NDUFA10: variants seen among roughly 807,000 people sequenced by gnomAD.
NDUFA10 encodes NADH:ubiquinone oxidoreductase subunit A10.
A neutral mutation model predicts 47.8 loss-of-function variants in NDUFA10; 40 were observed. That is an observed-to-expected ratio of 0.84 (90% CI 0.65 to 1.09). NDUFA10 has a LOEUF of 1.09. Ranked by LOEUF, NDUFA10 falls within the 50% of genes least tolerant of loss-of-function variation. The pLI is 0.00. For missense variants in NDUFA10, 413 were observed against 451.1 expected, an observed-to-expected ratio of 0.92 and a Z score of 0.76; for synonymous variants, 183 against 172.2, an observed-to-expected ratio of 1.06 and a Z score of -0.49.
chr2:239,998,021 C>CA (rs755510839), intron 8 of NDUFA10, among the ~76,000 whole-genome samples: 20 of 152,294 alleles, frequency 1.3e-4, no homozygotes, highest in Non-Finnish European at 2.6e-4. Context: ...AAGTAGAATA[C>CA]AAAAATACAC....
At chr2:239,939,360 C>T (rs1211688494) in intron 4 of NDUFA10, among the ~76,000 whole-genome samples, 2 of 152,150 alleles carry the variant, frequency 1.3e-5, no homozygotes, top group Non-Finnish European at 2.9e-5. Flanking sequence ...GTGGAACTCG[C>T]GGAGAGAGAG....
At chr2:239,937,660 A>G (rs1694286510) in intron 4 of NDUFA10, among the ~76,000 whole-genome samples, 1 of 152,202 alleles carries the variant, frequency 6.6e-6, no homozygotes, top group African/African-American at 2.4e-5. Context: ...ATGCATGTAC[A>G]AGACTCTGTG....
intron 5 of NDUFA10, 41 bp downstream of exon 5, chr2:240,014,698 C>G: frequency 1.2e-6 from 2 of 1,613,812 alleles, no homozygotes; most frequent in Middle Eastern, 3.3e-4. Context: ...GATCTACATT[C>G]AAAATAGAGA....
At chr2:239,902,421 T>C (rs1693569614) in intron 4 of NDUFA10, among the ~76,000 whole-genome samples, 1 of 152,194 alleles carries the variant, frequency 6.6e-6, no homozygotes, top group Non-Finnish European at 1.5e-5. Flanking sequence ...AATGAAGTAT[T>C]TTTAAGGTGA....
chr2:239,911,958 G>A (rs1319825996), intron 4 of NDUFA10, among the ~76,000 whole-genome samples: 1 of 152,128 alleles, frequency 6.6e-6, no homozygotes, highest in Non-Finnish European at 1.5e-5. Flanking sequence ...GGGGTTTCCT[G>A]GGATTGTGTA....
At chr2:239,904,265 CTTTT>C (rs1288232225) in intron 4 of NDUFA10, among the ~76,000 whole-genome samples, 1 of 152,082 alleles carries the variant, frequency 6.6e-6, no homozygotes, top group African/African-American at 2.4e-5. Context: ...TCTTCTTCTT[CTTTT>C]TTCTTTTTAG....
chr2:239,930,197 T>G (rs1360482894), intron 4 of NDUFA10, among the ~76,000 whole-genome samples: 1 of 151,390 alleles, frequency 6.6e-6, no homozygotes, highest in Non-Finnish European at 1.5e-5. Flanking sequence ...CCACCAGCCC[T>G]GCTTCTCCAC....
At chr2:239,977,581 C>T (rs1695582764) in intron 9 of NDUFA10, among the ~76,000 whole-genome samples, 2 of 152,194 alleles carry the variant, frequency 1.3e-5, no homozygotes, top group African/African-American at 4.8e-5. Flanking sequence ...AAGACATCTC[C>T]AAAACCAATC....
chr2:239,942,182 TACC>T (rs1694370291), intron 4 of NDUFA10, among the ~76,000 whole-genome samples: 1 of 152,264 alleles, frequency 6.6e-6, no homozygotes, highest in African/African-American at 2.4e-5. Context: ...TTCATCCCTC[TACC>T]ACGTTTACCT....
chr2:239,903,214 G>A (rs1350936406), intron 4 of NDUFA10, among the ~76,000 whole-genome samples: 1 of 152,152 alleles, frequency 6.6e-6, no homozygotes, highest in African/African-American at 2.4e-5. Flanking sequence ...CCCCACTGAG[G>A]AACATTTCTC....
intron 4 of NDUFA10, among the ~76,000 whole-genome samples, chr2:239,937,946 T>C (rs1694293007): frequency 6.6e-6 from 1 of 152,158 alleles, no homozygotes; most frequent in Non-Finnish European, 1.5e-5. Flanking sequence ...TGTGCCACAC[T>C]GTCACTGGCT....
At chr2:239,914,880 CACAA>C (rs1229652872) in intron 4 of NDUFA10, among the ~76,000 whole-genome samples, 4 of 56,540 alleles carry the variant, frequency 7.1e-5, no homozygotes, top group East Asian at 5.0e-4. Flanking sequence ...GAGATACTCA[CACAA>C]ACATACACAC....
chr2:239,977,320 GC>G (rs1179955351), intron 9 of NDUFA10, among the ~76,000 whole-genome samples: 2 of 152,184 alleles, frequency 1.3e-5, no homozygotes, highest in Non-Finnish European at 2.9e-5. Flanking sequence ...CACTGCTCCT[GC>G]CAGCGTCCCG....
intron 8 of NDUFA10, among the ~76,000 whole-genome samples, chr2:240,004,275 G>A (rs1469274401): frequency 6.6e-6 from 1 of 152,190 alleles, no homozygotes; most frequent in Non-Finnish European, 1.5e-5. Context: ...CGTCTCCTTG[G>A]CAGGAGCAGT....
At position 239,960,836 on chromosome 2, in the gene NDUFA10, C is replaced by A; in HGVS notation, c.*282G>T. 7.5e-7 allele frequency: 1 copy of A among 1,342,060 alleles called. No homozygotes were observed. The allele number at this position is 1,342,060 out of a possible 1,614,324, so 83.1% of individuals were successfully genotyped here. A position where few individuals can be genotyped will look rare whatever the true frequency, so the allele number is the denominator to read the frequency against. The stretch of plus-strand genomic sequence containing the variant: ...GCAGCGCTGAAACCACAGGGGCTGC[C>A]GAGAGCTGGCCTTTCACAGCAGACC... On this transcript the variant is annotated 3_prime_UTR_variant, in exon 10 of 10. Transcript: ENST00000252711.
rs1172889762 is a variant in NDUFA10 at position 239,928,502 on chromosome 2, T to A, written c.295-33188A>T. Reference sequence around the variant, plus strand: ...ATCCCCCGAATCCACGCCAGACTCCTCGGCCCTGGCCCACCGCGAGCCGCT... The same window carrying A: ...ATCCCCCGAATCCACGCCAGACTCCACGGCCCTGGCCCACCGCGAGCCGCT... On this transcript the variant is annotated intron_variant, in intron 4 of 5. Coordinates refer to the NDUFA10 transcript ENST00000419408. This position sits in a 1 kb window ranked among gnomAD's most constrained non-coding sequence, Gnocchi z 4.3. 6.6e-6 allele frequency among the ~76,000 whole-genome samples: 1 copy of A among 152,190 alleles called. No homozygotes were observed. The highest frequency in any genetic ancestry group is 1.5e-5 in the Non-Finnish European group (1 of 68,036).
chr2:239,933,828 T>C (rs948697361), intron 4 of NDUFA10, among the ~76,000 whole-genome samples: 7 of 151,596 alleles, frequency 4.6e-5, no homozygotes, highest in African/African-American at 1.5e-4. Flanking sequence ...CATAAGCGGA[T>C]TGGATCATAG....
At chr2:240,019,427 T>C (rs879682014) in intron 3 of NDUFA10, among the ~76,000 whole-genome samples, 1 of 152,170 alleles carries the variant, frequency 6.6e-6, no homozygotes, top group Non-Finnish European at 1.5e-5. Context: ...TAGGTTACTA[T>C]AGCACCAAAA....
chr2:239,965,757 C>T (rs747264857), intron 9 of NDUFA10, among the ~76,000 whole-genome samples: 4 of 152,190 alleles, frequency 2.6e-5, no homozygotes, highest in Admixed American at 6.5e-5. Flanking sequence ...GAGTATACAC[C>T]GGGTGAGCAA....
Sources: gnomAD v4.1 joint callset for allele counts (sites outside exome capture counted in the v4.1 genomes callset) on GRCh38, gnomAD v4.1.1 for gene constraint, Gnocchi (gnomAD v3.1) non-coding constraint, MANE v1.5 for transcripts, NCBI Gene and HGNC (gene_info 2026-07-23, HGNC 2026-07-21) for gene names.